Variants in CHD5 observed in about 807,000 individuals in gnomAD.
CHD5 encodes the protein ATP-dependent chromatin remodeler CHD5.
In CHD5, 69 loss-of-function variants were observed where a neutral mutation model predicts 230.3. The observed-to-expected ratio is 0.30, with a 90% CI of 0.25 to 0.37. The LOEUF (loss-of-function observed/expected upper bound fraction) is 0.37. Among genes scored for constraint, CHD5 ranks in the 10% least tolerant of loss-of-function variants. CHD5 has a pLI of 1.00. For missense variants in CHD5, 1,827 were observed against 2,622.8 expected, an observed-to-expected ratio of 0.70 and a Z score of 6.63; for synonymous variants, 1,064 against 1,065.9, an observed-to-expected ratio of 1.00 and a Z score of 0.03.
chr1:6,124,020 T>A lies in CHD5; in HGVS notation c.4627A>T (p.Ile1543Phe), dbSNP rs1666513347. ...ACTGGTGTGTTGGGGTCCGAGGAGA[T>A]CACCTCGCCCGACTTCTTCCCCTCG... The part of the protein sequence containing the change: ...GPEGKKSGEV[I>F]SSDPNTPVPA... Residue 1543 changes from isoleucine to phenylalanine, a missense_variant, in exon 31 of 42, where the codon ATC (isoleucine) becomes TTC (phenylalanine). Around this residue, in one of 14 missense-constraint regions of CHD5, gnomAD observed 272 missense variants for 263.2 expected, o/e 1.03. Transcript: ENST00000262450. 4 of 1,612,624 alleles carry A rather than the reference T, an allele frequency of 2.5e-6. No homozygotes were observed. The East Asian group carries it at 9.0e-5, about 36-fold the overall frequency.
chr1:6,112,357 G>A, intron 34 of CHD5, 80 bp from the exon 35 acceptor site: 1 of 1,544,298 alleles, frequency 6.5e-7, no homozygotes, highest in Non-Finnish European at 8.8e-7. Context: ...AAGCACGGGG[G>A]ACCCAGGAGG....
chr1:6,155,253 CT>C lies in CHD5; in HGVS notation c.506+345del, dbSNP rs1412221188. Reference sequence around the variant, plus strand: ...CATTGGGTTTTCAGGCCCTGCAAGACTTGTGGGGCCACAGGTGGGCTACAGT... The same window carrying C: ...CATTGGGTTTTCAGGCCCTGCAAGACTGTGGGGCCACAGGTGGGCTACAGT... On this transcript the variant is annotated intron_variant, in intron 4 of 41. Transcript: ENST00000262450. This position sits in a 1 kb window ranked among gnomAD's most constrained non-coding sequence, Gnocchi z 4.0. Among the ~76,000 whole-genome samples, 2 of 152,200 alleles carry C rather than the reference CT, an allele frequency of 1.3e-5. No homozygotes were observed. Among genetic ancestry groups the C allele is most frequent in the African/African-American group, 4.8e-5 (2 of 41,450 alleles).
chr1:6,102,896 G>C lies in CHD5; in HGVS notation c.*2578C>G, dbSNP rs1055408383. ...CCACCCCGAGTCACCTGAGCCCATG[G>C]GGCAATGCCTTCCAAGACCTTGGCT... is the stretch of plus-strand genomic sequence containing the variant. On this transcript the variant is annotated 3_prime_UTR_variant, in exon 42 of 42. Transcript: ENST00000262450. 2.0e-5 allele frequency: 3 copies of C among 152,422 alleles called. No homozygotes were observed. Among genetic ancestry groups the C allele is most frequent in the Non-Finnish European group, 4.4e-5 (3 of 68,066 alleles). The allele number at this position is 152,422 out of a possible 1,614,324, so 9.4% of individuals were successfully genotyped here. A position where few individuals can be genotyped will look rare whatever the true frequency, so the allele number is the denominator to read the frequency against.
chr1:6,174,037 G>T (rs369869880), intron 1 of CHD5, among the ~76,000 whole-genome samples: 1 of 152,116 alleles, frequency 6.6e-6, no homozygotes, highest in Non-Finnish European at 1.5e-5. Flanking sequence ...TGGGGCCTGG[G>T]GGGAGTCACC....
In CHD5 at chr1:6,159,466, G is replaced by A. The variant is rs747002991; in HGVS notation, c.257C>T (p.Ser86Leu). 15 of 1,595,466 alleles carry A rather than the reference G, an allele frequency of 9.4e-6. No individual in the cohort carries two copies. The highest frequency in any genetic ancestry group is 6.8e-5 in the Admixed American group (4 of 58,452). The change falls in exon 3 of 42, where the codon TCG (serine) becomes TTG (leucine). Residue 86 changes from serine to leucine, a missense_variant. Physicochemically the swap from Ser to Leu is moderately radical, Grantham distance 145 (BLOSUM62 -2). Transcript: ENST00000262450. The stretch of plus-strand genomic sequence containing the variant: ...GGAGTAGTCACTGCCTTCACTCTCC[G>A]ACTTCTCTTCCAGATCCTCTTCATT... ...SENEEDLEEK[S>L]ESEGSDYSPN...
intron 7 of CHD5, among the ~76,000 whole-genome samples, chr1:6,149,703 T>C (rs1048042862): frequency 2.3e-5 from 3 of 132,788 alleles, no homozygotes; most frequent in South Asian, 5.7e-4. Context: ...GATGAATGGA[T>C]GGACAAATGG....
chr1:6,178,275 G>C (rs909983129), intron 1 of CHD5, among the ~76,000 whole-genome samples: 9 of 150,354 alleles, frequency 6.0e-5, no homozygotes, highest in African/African-American at 2.3e-4. Context: ...TACTAGACTG[G>C]GGGCACCTTC....
intron 1 of CHD5, among the ~76,000 whole-genome samples, chr1:6,176,810 G>A (rs1026327785): frequency 3.3e-5 from 5 of 152,192 alleles, no homozygotes; most frequent in Non-Finnish European, 7.3e-5. Flanking sequence ...GCTTGTCCAA[G>A]ACCACTCAGC....
Position 6,134,252 on chromosome 1 carries a change from G to A in CHD5, c.3020C>T (p.Pro1007Leu), listed in dbSNP as rs1666703493. Residue 1007 changes from proline (P) to leucine (L), a missense_variant, in exon 20 of 42, where the codon CCT becomes CTT. Coordinates refer to ENST00000262450, the MANE Select transcript of CHD5 (RefSeq NM_015557.3). The surrounding 1 kb of genome is among the most constrained non-coding windows in gnomAD (Gnocchi z 6.3). ...YLFPVAAVEA[P>L]VLPNGSYDGS... ...ATCGTAGGAGCCATTGGGCAAGACAGGGGCCTCCTGCAGACACAGCAGGAG... is the reference window on the plus strand; with the variant it reads ...ATCGTAGGAGCCATTGGGCAAGACAAGGGCCTCCTGCAGACACAGCAGGAG... 1.2e-6 allele frequency: 2 copies of A among 1,612,896 alleles called. No individual in the cohort carries two copies. The highest frequency in any genetic ancestry group is 2.2e-5 in the East Asian group (1 of 44,894).
chr1:6,155,768 C>A lies in CHD5; in HGVS notation c.388-51G>T. On this transcript the variant is annotated intron_variant, in intron 3 of 41. Coordinates refer to ENST00000262450, the MANE Select transcript of CHD5 (RefSeq NM_015557.3). The surrounding 1 kb of genome is among the most constrained non-coding windows in gnomAD (Gnocchi z 4.0). ...AGTTGTTGAGGGGCCTTCTGACCTGCACCCCCATCCCCAGGGTCTCTGCCT... is the reference window on the plus strand; with the variant it reads ...AGTTGTTGAGGGGCCTTCTGACCTGAACCCCCATCCCCAGGGTCTCTGCCT... 1.4e-6 allele frequency: 2 copies of A among 1,400,654 alleles called. No homozygotes were observed. The highest frequency in any genetic ancestry group is 2.0e-6 in the Non-Finnish European group (2 of 988,424). 86.8% of individuals were successfully genotyped at this position (1,400,654 alleles called of 1,614,324 possible).
intron 12 of CHD5, 44 bp downstream of exon 12, chr1:6,143,980 G>T (rs768974808): frequency 6.2e-7 from 1 of 1,614,088 alleles, no homozygotes; most frequent in South Asian, 1.1e-5. Flanking sequence ...CCCAGGAGCA[G>T]GTCCCGGCAG....
Position 6,171,038 on chromosome 1 carries a change from G to A in CHD5, c.80-2761C>T, listed in dbSNP as rs183636807. On this transcript the variant is annotated intron_variant, in intron 1 of 41. Coordinates refer to ENST00000262450, the MANE Select transcript of CHD5 (RefSeq NM_015557.3). Reference sequence around the variant, plus strand: ...CTGGCTGATGCAATCTCGAGGGGGGGCCTCTCCCTCCTGCTTCCTCCCAGC... The same window carrying A: ...CTGGCTGATGCAATCTCGAGGGGGGACCTCTCCCTCCTGCTTCCTCCCAGC... Among the ~76,000 whole-genome samples, 803 of 152,360 alleles carry A rather than the reference G, an allele frequency of 5.3e-3. 2 individuals are homozygous for A. Among genetic ancestry groups the A allele is most frequent in the African/African-American group, 0.018 (732 of 41,582 alleles).
At chr1:6,106,843 GAAGGA>G in intron 38 of CHD5, 64 bp from the exon 39 acceptor site, 1 of 827,646 alleles carries the variant, frequency 1.2e-6, no homozygotes, top group South Asian at 1.5e-5. Context: ...TGGAGGAGTG[GAAGGA>G]TGGAGGGATG....
In CHD5 at chr1:6,131,915, C is replaced by A. The variant is rs1666664310; in HGVS notation, c.3145-167G>T. ...AGGACTCTGGGGAAGAACAAAGCTT[C>A]CAACCTCACCCCTTGGAGCCAATCC... On this transcript the variant is annotated intron_variant, in intron 20 of 41. Transcript: ENST00000262450. The surrounding 1 kb of genome is among the most constrained non-coding windows in gnomAD (Gnocchi z 5.0). Among the ~76,000 whole-genome samples the A allele has an allele frequency of 6.6e-6, 1 of 152,196 alleles. No homozygotes were observed. Among genetic ancestry groups the A allele is most frequent in the Non-Finnish European group, 1.5e-5 (1 of 68,020 alleles).
Position 6,143,945 on chromosome 1 carries a change from T to A in CHD5, c.1935-14A>T. 6.2e-7 allele frequency: 1 copy of A among 1,614,080 alleles called. No individual in the cohort carries two copies. Among genetic ancestry groups the A allele is most frequent in the Non-Finnish European group, 8.5e-7 (1 of 1,180,012 alleles). On this transcript the variant is annotated splice_polypyrimidine_tract_variant and intron_variant, in intron 12 of 41. Coordinates refer to ENST00000262450, the MANE Select transcript of CHD5 (RefSeq NM_015557.3). ...AGCATCAGCTCCCTGGGAAACGGCA[T>A]TGGAGGCAGGTGAGCAAGGCTCAGC...
In CHD5 at chr1:6,142,185, G is replaced by T; in HGVS notation, c.2379C>A (p.Asn793Lys). 1 of 1,614,010 alleles carries T rather than the reference G, an allele frequency of 6.2e-7. No individual in the cohort carries two copies. Among genetic ancestry groups the T allele is most frequent in the Non-Finnish European group, 8.5e-7 (1 of 1,179,970 alleles). The part of the protein sequence containing the change: ...DKESRSVIRE[N>K]EFSFEDNAIR... Reference sequence around the variant, plus strand: ...TGGCGTTGTCCTCAAAGGAAAACTCGTTCTCCCGAATCACCGAGCGGCTCT... The same window carrying T: ...TGGCGTTGTCCTCAAAGGAAAACTCTTTCTCCCGAATCACCGAGCGGCTCT... Residue 793 changes from asparagine (N) to lysine (K), a missense_variant, in exon 15 of 42, where the codon AAC (asparagine) becomes AAA (lysine). Coordinates refer to ENST00000262450, the MANE Select transcript of CHD5 (RefSeq NM_015557.3). This position sits in a 1 kb window ranked among gnomAD's most constrained non-coding sequence, Gnocchi z 5.2.
intron 20 of CHD5, among the ~76,000 whole-genome samples, chr1:6,132,876 T>C (rs1358299986): frequency 7.6e-6 from 1 of 131,116 alleles, no homozygotes; most frequent in African/African-American, 2.9e-5. Flanking sequence ...GCTATCCTAT[T>C]CTTTTCTCTC....
chr1:6,166,276 T>G (rs1228843929), intron 2 of CHD5, among the ~76,000 whole-genome samples: 5 of 134,040 alleles, frequency 3.7e-5, no homozygotes, highest in East Asian at 2.2e-4. Flanking sequence ...CAGGTGGGGG[T>G]CGGGGGCAGG....
rs760672359 is a variant in CHD5, at chr1:6,104,691, C to A, written c.*783G>T. On this transcript the variant is annotated 3_prime_UTR_variant, in exon 42 of 42. Transcript: ENST00000262450. ...GTGAAGAGCCGGGGCCACAGGCCCC[C>A]CACTGGTAACAGAGTCCAGGGCCTT... The A allele has an allele frequency of 6.6e-6, 1 of 152,034 alleles. No individual in the cohort carries two copies. The highest frequency in any genetic ancestry group is 1.5e-5 in the Non-Finnish European group (1 of 68,014). 9.4% of individuals were successfully genotyped at this position (152,034 alleles called of 1,614,324 possible).
Sources: gnomAD v4.1 joint callset for allele counts (sites outside exome capture counted in the v4.1 genomes callset) on GRCh38, gnomAD v4.1.1 for gene constraint, gnomAD v4.1.1 regional missense constraint, Gnocchi (gnomAD v3.1) non-coding constraint, MANE v1.5 for transcripts, NCBI Gene and HGNC (gene_info 2026-07-23, HGNC 2026-07-21) for gene names.